The following TENM2 variants were observed in gnomAD, a reference collection of about 807,000 sequenced individuals.
TENM2 encodes the protein teneurin transmembrane protein 2, also known as teneurin-2.
In TENM2, 52 loss-of-function variants were observed where a neutral mutation model predicts 245.2. The ratio of observed to expected loss-of-function variants is 0.21; its 90% confidence interval spans 0.17 to 0.27. TENM2 has a LOEUF of 0.27. Among genes scored for constraint, TENM2 ranks in the 10% least tolerant of loss-of-function variants. TENM2 has a pLI of 1.00. For missense variants in TENM2, 3,046 were observed against 3,666.8 expected (o/e 0.83, Z 4.37); for synonymous variants, 1,363 against 1,438.9 (o/e 0.95, Z 1.19).
At chr5:167,946,721 C>G (rs766970160) in intron 3 of TENM2, among the ~76,000 whole-genome samples, 1 of 152,150 alleles carries the variant, frequency 6.6e-6, no homozygotes, top group Non-Finnish European at 1.5e-5. Context: ...AGCTCTACCA[C>G]TTACTAAGCT....
At chr5:167,876,256 C>T (rs1773417888) in intron 3 of TENM2, 61 bp downstream of exon 5, 9 of 1,376,444 alleles carry the variant, frequency 6.5e-6, no homozygotes, top group Admixed American at 2.0e-5. Flanking sequence ...CTTGATTCTC[C>T]ACCAAAATGA....
At chr5:167,714,418 G>T (rs540686506) in intron 2 of TENM2, among the ~76,000 whole-genome samples, 3 of 152,142 alleles carry the variant, frequency 2.0e-5, no homozygotes, top group Non-Finnish European at 4.4e-5. Context: ...GCATTGTTGG[G>T]TCTGATGTCT....
intron 25 of TENM2, among the ~76,000 whole-genome samples, chr5:168,234,463 AAAAG>A (rs764754375): frequency 1.4e-4 from 21 of 152,156 alleles, no homozygotes; most frequent in Non-Finnish European, 2.2e-4. Context: ...CCGTACCCAA[AAAAG>A]AAAGAAAGAG....
At chr5:167,602,353 C>T (rs1033837383) in intron 2 of TENM2, among the ~76,000 whole-genome samples, 2 of 152,154 alleles carry the variant, frequency 1.3e-5, no homozygotes, top group African/African-American at 4.8e-5. Context: ...CACTGCTGGC[C>T]ATCTGCAAGA....
chr5:166,993,684 C>T, the TENM2 span, among the ~76,000 whole-genome samples: 1 of 152,094 alleles, frequency 6.6e-6, no homozygotes, highest in African/African-American at 2.4e-5. Context: ...AAATGTCAAC[C>T]CAGTGAACTT....
At chr5:167,162,580 A>G in the TENM2 span, among the ~76,000 whole-genome samples, 2 of 151,538 alleles carry the variant, frequency 1.3e-5, no homozygotes, top group Non-Finnish European at 2.9e-5. Flanking sequence ...GTGAGCCGAG[A>G]TGGCGCCACT....
At chr5:167,993,250 T>A (rs17069526) in intron 5 of TENM2, 68 bp downstream of exon 7, 221,877 of 1,317,804 alleles carry the variant, frequency 0.17, 19,781 homozygotes, top group Admixed American at 0.3. Context: ...CATGGACTTG[T>A]GAATCTAGAG....
At chr5:167,097,790 G>A in the TENM2 span, among the ~76,000 whole-genome samples, 1 of 152,110 alleles carries the variant, frequency 6.6e-6, no homozygotes. Context: ...CGTGGTATGT[G>A]TTTTTATTTT....
At chr5:167,092,764 T>C in the TENM2 span, among the ~76,000 whole-genome samples, 1 of 152,154 alleles carries the variant, frequency 6.6e-6, no homozygotes, top group African/African-American at 2.4e-5. Context: ...GTCACTCCTG[T>C]AATTATGAGC....
chr5:167,583,512 C>A (rs960962805), intron 2 of TENM2, among the ~76,000 whole-genome samples: 4 of 71,914 alleles, frequency 5.6e-5, no homozygotes, highest in African/African-American at 1.6e-4. Context: ...ACACACACAC[C>A]CCAAACCTAT....
chr5:168,057,443 G>T (rs116314001), intron 6 of TENM2, among the ~76,000 whole-genome samples: 1 of 152,084 alleles, frequency 6.6e-6, no homozygotes, highest in East Asian at 1.9e-4. Flanking sequence ...CTTTGGGTCT[G>T]AGACACTCTA....
intron 7 of TENM2, among the ~76,000 whole-genome samples, chr5:168,085,708 G>T (rs1792392749): frequency 6.6e-6 from 1 of 152,220 alleles, no homozygotes; most frequent in South Asian, 2.1e-4. Flanking sequence ...GGCCTGGCTG[G>T]AGGCAGAAAG....
At chr5:167,644,906 G>A (rs539316854) in intron 2 of TENM2, among the ~76,000 whole-genome samples, 2 of 152,242 alleles carry the variant, frequency 1.3e-5, no homozygotes, top group South Asian at 2.1e-4. Context: ...GGGAATATGC[G>A]AGTGTACTTA....
chr5:167,372,201 A>C (rs1160810018), intron 1 of TENM2, among the ~76,000 whole-genome samples: 1 of 152,152 alleles, frequency 6.6e-6, no homozygotes, highest in African/African-American at 2.4e-5. Flanking sequence ...AATTTTCTTT[A>C]CAATGCTGTT....
intron 8 of TENM2, among the ~76,000 whole-genome samples, chr5:168,096,566 A>G (rs1468675939): frequency 6.6e-6 from 1 of 152,228 alleles, no homozygotes; most frequent in African/African-American, 2.4e-5. Context: ...ATGAGAGCTG[A>G]GAAAGGAAAC....
chr5:167,228,187 G>T, the TENM2 span, among the ~76,000 whole-genome samples: 1 of 151,818 alleles, frequency 6.6e-6, no homozygotes, highest in African/African-American at 2.4e-5. Flanking sequence ...GCATCACCAC[G>T]CATAGCTAAT....
chr5:168,041,839 G>A (rs1333788656), intron 5 of TENM2, among the ~76,000 whole-genome samples: 1 of 152,164 alleles, frequency 6.6e-6, no homozygotes, highest in Non-Finnish European at 1.5e-5. Context: ...CCTGGCACAT[G>A]GTCAAAATGA....
chr5:167,088,891 G>T, the TENM2 span, among the ~76,000 whole-genome samples: 7 of 152,158 alleles, frequency 4.6e-5, no homozygotes, highest in Non-Finnish European at 7.3e-5. Context: ...GTTGACTGAA[G>T]TCCCACCTCA....
the TENM2 span, among the ~76,000 whole-genome samples, chr5:167,255,395 C>T: frequency 1.4e-4 from 21 of 152,150 alleles, no homozygotes; most frequent in African/African-American, 4.6e-4. Flanking sequence ...CCTATTTCCA[C>T]GGGGTGATTG....
Sources: gnomAD v4.1 joint callset for allele counts (sites outside exome capture counted in the v4.1 genomes callset) on GRCh38, gnomAD v4.1.1 for gene constraint, MANE v1.5 for transcripts, NCBI Gene and HGNC (gene_info 2026-07-23, HGNC 2026-07-21) for gene names.